The following GALNT13 variants were observed in gnomAD, a reference collection of about 807,000 sequenced individuals.
GALNT13 encodes UDP-GalNAc:polypeptide N-acetylgalactosaminyltransferase 13.
Under a neutral mutation model 64.2 loss-of-function variants are expected in GALNT13, and 28 were observed. The observed-to-expected ratio is 0.44, with a 90% CI of 0.32 to 0.60. The LOEUF is 0.60. Among genes scored for constraint, GALNT13 ranks in the 20% least tolerant of loss-of-function variants. GALNT13 has a pLI of 0.05. For synonymous variants in GALNT13, 214 were observed against 224.6 expected (o/e 0.95, Z 0.42); for missense variants, 577 against 669.8 (o/e 0.86, Z 1.53).
intron 9 of GALNT13, among the ~76,000 whole-genome samples, chr2:154,341,818 A>G (rs1695788042): frequency 6.6e-6 from 1 of 152,100 alleles, no homozygotes; most frequent in Admixed American, 6.6e-5. Flanking sequence ...TAACATCAAG[A>G]GCAGTTGGTC....
At chr2:153,773,351 G>A in the GALNT13 span, among the ~76,000 whole-genome samples, 244 of 152,260 alleles carry the variant, frequency 1.6e-3, 1 homozygote, top group African/African-American at 5.6e-3. Context: ...GCTGTAATGC[G>A]CTGTGGCAAG....
At chr2:154,273,690 T>C (rs967192844) in intron 8 of GALNT13, among the ~76,000 whole-genome samples, 38 of 152,280 alleles carry the variant, frequency 2.5e-4, no homozygotes, top group African/African-American at 8.7e-4. Flanking sequence ...TACAGACACA[T>C]GCTTTTCAAG....
At chr2:153,551,558 A>C in the GALNT13 span, among the ~76,000 whole-genome samples, 1 of 152,216 alleles carries the variant, frequency 6.6e-6, no homozygotes, top group Admixed American at 6.5e-5. Flanking sequence ...AGTAGAAAAG[A>C]CAAATTCTGA....
chr2:154,090,657 C>T (rs1230667796), intron 3 of GALNT13, among the ~76,000 whole-genome samples: 2 of 151,924 alleles, frequency 1.3e-5, no homozygotes, highest in Non-Finnish European at 2.9e-5. Flanking sequence ...GTCAGGAAAT[C>T]GCTTCAGATA....
the GALNT13 span, among the ~76,000 whole-genome samples, chr2:153,566,348 GTTTTTTTTTTTTT>G: frequency 2.7e-5 from 2 of 74,826 alleles, no homozygotes; most frequent in Non-Finnish European, 4.7e-5. Context: ...TTCTAATCAC[GTTTTTTTTTTTTT>G]TTTTTTTTTT....
At chr2:153,238,299 G>A in the GALNT13 span, among the ~76,000 whole-genome samples, 1 of 151,720 alleles carries the variant, frequency 6.6e-6, no homozygotes, top group African/African-American at 2.4e-5. Flanking sequence ...TCACTTTTTT[G>A]ATCATTTATT....
At chr2:153,291,266 A>T in the GALNT13 span, among the ~76,000 whole-genome samples, 1 of 152,194 alleles carries the variant, frequency 6.6e-6, no homozygotes, top group Admixed American at 6.6e-5. Flanking sequence ...AACAGGCCAG[A>T]AGCTATTTTT....
At chr2:154,052,828 C>G (rs1159265282) in intron 3 of GALNT13, among the ~76,000 whole-genome samples, 1 of 151,740 alleles carries the variant, frequency 6.6e-6, no homozygotes, top group African/African-American at 2.4e-5. Context: ...GCTCCGCCTC[C>G]CGGGTTCTCG....
At chr2:153,411,856 T>G in the GALNT13 span, among the ~76,000 whole-genome samples, 1 of 152,114 alleles carries the variant, frequency 6.6e-6, no homozygotes, top group African/African-American at 2.4e-5. Flanking sequence ...GTCAACTTGA[T>G]TGGATTGAAA....
chr2:153,268,288 C>CTACAG, the GALNT13 span, among the ~76,000 whole-genome samples: 1 of 152,186 alleles, frequency 6.6e-6, no homozygotes, highest in African/African-American at 2.4e-5. Flanking sequence ...ATCAAAGGGG[C>CTACAG]TACAGGCCTC....
chr2:154,378,550 C>T (rs1039121777), intron 9 of GALNT13, among the ~76,000 whole-genome samples: 1 of 152,028 alleles, frequency 6.6e-6, no homozygotes, highest in Non-Finnish European at 1.5e-5. Context: ...CAATGCAGAC[C>T]GCAGATTGGT....
chr2:154,043,434 A>ATATATG (rs1553470464), intron 3 of GALNT13, among the ~76,000 whole-genome samples: 7 of 115,738 alleles, frequency 6.0e-5, no homozygotes, highest in African/African-American at 2.4e-4. Flanking sequence ...ATATATATAT[A>ATATATG]TATATATATA....
At chr2:153,757,113 C>G in the GALNT13 span, among the ~76,000 whole-genome samples, 1 of 152,022 alleles carries the variant, frequency 6.6e-6, no homozygotes, top group African/African-American at 2.4e-5. Flanking sequence ...TAACCATCAC[C>G]TCAAAAATTA....
chr2:153,416,659 A>G, the GALNT13 span, among the ~76,000 whole-genome samples: 1 of 152,160 alleles, frequency 6.6e-6, no homozygotes, highest in Non-Finnish European at 1.5e-5. Flanking sequence ...TTAGAGGGTT[A>G]TATCTATTGG....
intron 2 of GALNT13, among the ~76,000 whole-genome samples, chr2:153,937,264 A>T (rs1691003952): frequency 6.6e-6 from 1 of 152,244 alleles, no homozygotes; most frequent in South Asian, 2.1e-4. Context: ...GGATAAATAA[A>T]ATGTGTATAG....
In GALNT13 at chr2:154,295,523, GC is replaced by G. The variant is rs566950102; in HGVS notation, c.976-5883del. Among the ~76,000 whole-genome samples, 3 of 151,766 alleles carry G rather than the reference GC, an allele frequency of 2.0e-5. No individual in the cohort carries two copies. The South Asian group carries it at 6.2e-4, about 32-fold the overall frequency. ...GGATTATAGGCACCCACCACCATGT[GC>G]CCAGCTAATTTTTTATTTTTTTATT... is the stretch of plus-strand genomic sequence containing the variant. On this transcript the variant is annotated intron_variant, in intron 8 of 12. Transcript: ENST00000392825.
the GALNT13 span, among the ~76,000 whole-genome samples, chr2:153,485,264 C>T: frequency 2.0e-5 from 3 of 152,122 alleles, no homozygotes; most frequent in Admixed American, 6.6e-5. Context: ...ATTTCCAGCT[C>T]ATTTGCCTTT....
chr2:153,761,928 A>T, the GALNT13 span: 2 of 182,062 alleles, frequency 1.1e-5, no homozygotes, highest in African/African-American at 4.7e-5. Context: ...CAATGATAAT[A>T]TCTCCTGGCT....
Position 153,963,432 on chromosome 2 carries a change from A to G in GALNT13, c.142+18793A>G, listed in dbSNP as rs1405513114. 2.0e-5 allele frequency among the ~76,000 whole-genome samples: 3 copies of G among 152,200 alleles called. No homozygotes were observed. The East Asian group carries it at 5.8e-4, about 29-fold the overall frequency. On this transcript the variant is annotated intron_variant, in intron 3 of 12. Transcript: ENST00000392825. ...CATATGTTTTCACAACTCTTGGGAAAATACCAAAGGATGGAAGTGCTGAGT... is the reference window on the plus strand; with the variant it reads ...CATATGTTTTCACAACTCTTGGGAAGATACCAAAGGATGGAAGTGCTGAGT...
Sources: gnomAD v4.1 joint callset for allele counts (sites outside exome capture counted in the v4.1 genomes callset) on GRCh38, gnomAD v4.1.1 for gene constraint, MANE v1.5 for transcripts, NCBI Gene and HGNC (gene_info 2026-07-23, HGNC 2026-07-21) for gene names.